GPR183: variants seen among roughly 807,000 people sequenced by gnomAD.
GPR183 encodes G protein-coupled receptor 183.
GPR183 carries 9 observed loss-of-function variants against 19.7 expected under a neutral mutation model. The ratio of observed to expected loss-of-function variants is 0.46; its 90% CI spans 0.28 to 0.80. GPR183 has a LOEUF of 0.80. GPR183 is among the 30% of genes least tolerant of loss of function. The probability of loss-of-function intolerance (pLI) is 0.13; values close to 1 mark genes in which losing one functional copy is unlikely to be tolerated. For synonymous variants in GPR183, 160 were observed against 155.1 expected (o/e 1.03, Z -0.24); for missense variants, 368 against 446.7 (o/e 0.82, Z 1.59).
At chr13:99,303,544 A>G (rs1927729) in intron 1 of GPR183, among the ~76,000 whole-genome samples, 26,412 of 152,206 alleles carry the variant, frequency 0.17, 2,527 homozygotes, top group Middle Eastern at 0.23. Flanking sequence ...TAAGAATCCC[A>G]CCATAATACT....
chr13:99,301,781 T>TA (rs1159507133), intron 1 of GPR183, among the ~76,000 whole-genome samples: 1 of 152,244 alleles, frequency 6.6e-6, no homozygotes, highest in Non-Finnish European at 1.5e-5. Context: ...TTCAAGTAAT[T>TA]AAAGTGTTTT....
chr13:99,298,449 A>G (rs1022417499), intron 1 of GPR183, among the ~76,000 whole-genome samples: 2 of 152,218 alleles, frequency 1.3e-5, no homozygotes. Flanking sequence ...TTAGAACTAA[A>G]TGATGAAAGT....
In GPR183 at chr13:99,295,644, T is replaced by C; in HGVS notation, c.502A>G (p.Ile168Val). Reference sequence around the variant, plus strand: ...GCCTCCTGCTTTGACATAGGGTTGATGAGGAGTGGGAGTGTCTGAGCAAAT... The same window carrying C: ...GCCTCCTGCTTTGACATAGGGTTGACGAGGAGTGGGAGTGTCTGAGCAAAT... ...LVFAQTLPLLINPMSKQEAER... is the reference protein window; with the variant it reads ...LVFAQTLPLLVNPMSKQEAER... Residue 168 changes from isoleucine (I) to valine (V), a missense_variant, in exon 2 of 2, where the codon ATC (isoleucine) becomes GTC (valine). Coordinates refer to ENST00000376414, the MANE Select transcript of GPR183 (RefSeq NM_004951.5). The surrounding 1 kb of genome is among the most constrained non-coding windows in gnomAD (Gnocchi z 4.1). 1 of 1,614,152 alleles carries C rather than the reference T, an allele frequency of 6.2e-7. No homozygotes were observed. The highest frequency in any genetic ancestry group is 8.5e-7 in the Non-Finnish European group (1 of 1,180,030).
rs1193259294 is a variant in GPR183, at chr13:99,295,309, T to C, written c.837A>G (p.Glu279=). The change falls in exon 2 of 2, where the codon GAA becomes GAG. Residue 279 remains glutamate (E), a synonymous_variant. Coordinates refer to ENST00000376414, the MANE Select transcript of GPR183 (RefSeq NM_004951.5). The surrounding 1 kb of genome is among the most constrained non-coding windows in gnomAD (Gnocchi z 4.1). ...TCTGGAACGAATGTCTTTGGCTACA[T>C]TCCAGGAAATTAGAGAAACGAAGCT... is the stretch of plus-strand genomic sequence containing the variant. The part of the protein sequence containing the change: ...IKKLRFSNFL[E]CSQRHSFQIS... 6.2e-7 allele frequency: 1 copy of C among 1,614,144 alleles called. No individual in the cohort carries two copies. The highest frequency in any genetic ancestry group is 1.1e-5 in the South Asian group (1 of 91,082).
chr13:99,296,130 C>T lies in GPR183; in HGVS notation c.16G>A (p.Ala6Thr), dbSNP rs769169278. 14 of 1,598,968 alleles carry T rather than the reference C, an allele frequency of 8.8e-6. No homozygotes were observed. In the Middle Eastern group the frequency reaches 5.0e-4, roughly 57 times the overall value. Reference protein sequence around the residue: MDIQMANNFTPPSATP... With the variant: MDIQMTNNFTPPSATP... ...GCAGAGGGCGGAGTAAAATTGTTTGCCATTTGTATATCCATTGGTGGTGGT... is the reference window on the plus strand; with the variant it reads ...GCAGAGGGCGGAGTAAAATTGTTTGTCATTTGTATATCCATTGGTGGTGGT... Residue 6 changes from alanine (A) to threonine (T), a missense_variant, in exon 2 of 2, where the codon GCA becomes ACA. Physicochemically the swap from Ala to Thr is moderately conservative, Grantham distance 58. Transcript: ENST00000376414.
chr13:99,297,539 T>G (rs2044194811), intron 1 of GPR183, among the ~76,000 whole-genome samples: 1 of 152,108 alleles, frequency 6.6e-6, no homozygotes, highest in East Asian at 1.9e-4. Flanking sequence ...ACACTGAGGG[T>G]TAGCAGAGGA....
At chr13:99,296,773 G>A (rs1486844242) in intron 1 of GPR183, among the ~76,000 whole-genome samples, 9 of 152,106 alleles carry the variant, frequency 5.9e-5, no homozygotes, top group Admixed American at 3.3e-4. Context: ...AGAAGACGAC[G>A]ACCGCAACAA....
intron 1 of GPR183, among the ~76,000 whole-genome samples, 165 bp from the exon 2 acceptor site, chr13:99,296,328 T>G (rs547889372): frequency 6.6e-6 from 1 of 152,330 alleles, no homozygotes; most frequent in East Asian, 1.9e-4. Flanking sequence ...CAGTTTATAA[T>G]TATAATATGG....
chr13:99,294,588 A>G lies in GPR183; in HGVS notation c.*472T>C, dbSNP rs1472973854. On this transcript the variant is annotated 3_prime_UTR_variant, in exon 2 of 2. Coordinates refer to ENST00000376414, the MANE Select transcript of GPR183 (RefSeq NM_004951.5). ...CAAAAGAGTTCCTTAACAAAGTTTT[A>G]TGACCCAGAACGAAACAAAACAAAA... 4.6e-5 allele frequency: 7 copies of G among 153,144 alleles called. No homozygotes were observed. Among genetic ancestry groups the G allele is most frequent in the Admixed American group, 4.6e-4 (7 of 15,350 alleles). 9.5% of individuals were successfully genotyped at this position (153,144 alleles called of 1,614,324 possible).
intron 1 of GPR183, among the ~76,000 whole-genome samples, chr13:99,297,184 GA>G (rs2044188702): frequency 6.6e-6 from 1 of 152,048 alleles, no homozygotes; most frequent in Non-Finnish European, 1.5e-5. Flanking sequence ...TTGAAAAATG[GA>G]AAACTCCTAC....
chr13:99,296,232 T>TA (rs1381246723), intron 1 of GPR183, 69 bp from the exon 2 acceptor site: 16 of 1,304,132 alleles, frequency 1.2e-5, no homozygotes, highest in South Asian at 1.7e-5. Context: ...TCATTAGTTT[T>TA]AAAAAAGTTT....
intron 1 of GPR183, among the ~76,000 whole-genome samples, chr13:99,304,255 C>T (rs2044298142): frequency 6.6e-6 from 1 of 152,172 alleles, no homozygotes; most frequent in Non-Finnish European, 1.5e-5. Flanking sequence ...AACATTCTTC[C>T]CTCTGTTTGA....
chr13:99,295,804 G>A lies in GPR183; in HGVS notation c.342C>T (p.Asn114=), dbSNP rs2044162384. 6.2e-7 allele frequency: 1 copy of A among 1,612,140 alleles called. No individual in the cohort carries two copies. The highest frequency in any genetic ancestry group is 2.2e-5 in the East Asian group (1 of 44,866). Residue 114 remains asparagine, a synonymous_variant, in exon 2 of 2, where the codon AAC becomes AAT. Transcript: ENST00000376414. This position sits in a 1 kb window ranked among gnomAD's most constrained non-coding sequence, Gnocchi z 4.1. ...TCATAAAGTTCACACCTGCATATGT[G>A]TTGATGTAAAACACTAGCGCAGTTA... ...CRITALVFYI[N]TYAGVNFMTC...
intron 1 of GPR183, among the ~76,000 whole-genome samples, chr13:99,305,982 G>A (rs538177171): frequency 2.0e-5 from 3 of 152,120 alleles, no homozygotes; most frequent in East Asian, 1.9e-4. Flanking sequence ...TGCAACCTCC[G>A]CCTCCCAGGT....
At chr13:99,297,043 G>C (rs900071327) in intron 1 of GPR183, among the ~76,000 whole-genome samples, 1 of 152,094 alleles carries the variant, frequency 6.6e-6, no homozygotes, top group Non-Finnish European at 1.5e-5. Flanking sequence ...ATAAACATTT[G>C]ATAGATATTC....
intron 1 of GPR183, among the ~76,000 whole-genome samples, chr13:99,299,647 C>A (rs1367268956): frequency 6.6e-6 from 1 of 151,924 alleles, no homozygotes; most frequent in Admixed American, 6.6e-5. Flanking sequence ...ATTTTAGTTC[C>A]CCTTTTCTTG....
chr13:99,297,928 G>A (rs924897019), intron 1 of GPR183, among the ~76,000 whole-genome samples: 1 of 151,408 alleles, frequency 6.6e-6, no homozygotes, highest in African/African-American at 2.4e-5. Flanking sequence ...CCAATAAAAA[G>A]GTAGTATGGC....
In GPR183 at chr13:99,295,624, C is replaced by A. The variant is rs1282933437; in HGVS notation, c.522G>T (p.Gln174His). Residue 174 changes from glutamine to histidine, a missense_variant, in exon 2 of 2, where the codon CAG (glutamine) becomes CAT (histidine). By Grantham distance (24) the Gln-to-His change is conservative. Coordinates refer to ENST00000376414, the MANE Select transcript of GPR183 (RefSeq NM_004951.5). The surrounding 1 kb of genome is among the most constrained non-coding windows in gnomAD (Gnocchi z 4.1). The stretch of plus-strand genomic sequence containing the variant: ...CCATGCATGTAATCCTTTCAGCCTC[C>A]TGCTTTGACATAGGGTTGATGAGGA... ...LPLLINPMSK[Q>H]EAERITCMEY... 5 of 1,614,020 alleles carry A rather than the reference C, an allele frequency of 3.1e-6. No individual in the cohort carries two copies. Among genetic ancestry groups the A allele is most frequent in the Admixed American group, 1.7e-5 (1 of 59,998 alleles).
Position 99,296,150 on chromosome 13 carries a change from G to T in GPR183, c.-5C>A. On this transcript the variant is annotated 5_prime_UTR_variant, in exon 2 of 2. Coordinates refer to ENST00000376414, the MANE Select transcript of GPR183 (RefSeq NM_004951.5). The stretch of plus-strand genomic sequence containing the variant: ...GTTTGCCATTTGTATATCCATTGGT[G>T]GTGGTCCAGGTGTCTAGAAAAAAAC... The T allele has an allele frequency of 6.4e-7, 1 of 1,560,254 alleles. No homozygotes were observed. The highest frequency in any genetic ancestry group is 8.7e-7 in the Non-Finnish European group (1 of 1,154,242).
Sources: gnomAD v4.1 joint callset for allele counts (sites outside exome capture counted in the v4.1 genomes callset) on GRCh38, gnomAD v4.1.1 for gene constraint, Gnocchi (gnomAD v3.1) non-coding constraint, MANE v1.5 for transcripts, NCBI Gene and HGNC (gene_info 2026-07-23, HGNC 2026-07-21) for gene names.